Variants in KLHL8 observed in about 807,000 individuals in gnomAD.
KLHL8 encodes kelch like family member 8.
Under a neutral mutation model 63.5 loss-of-function variants are expected in KLHL8, and 38 were observed. The observed-to-expected ratio is 0.60, with a 90% CI of 0.46 to 0.78. The LOEUF (loss-of-function observed/expected upper bound fraction) is 0.78. Among genes scored for constraint, KLHL8 ranks in the 30% least tolerant of loss-of-function variants. The pLI is 0.00. For missense variants in KLHL8, 566 were observed against 752.4 expected (o/e 0.75, Z 2.90); for synonymous variants, 224 against 254.3 (o/e 0.88, Z 1.13).
chr4:87,196,626 T>C (rs1028570755), intron 1 of KLHL8, among the ~76,000 whole-genome samples: 1 of 152,238 alleles, frequency 6.6e-6, no homozygotes, highest in Non-Finnish European at 1.5e-5. Flanking sequence ...ACATAGAACT[T>C]ATTAGTATTT....
At position 87,163,319 on chromosome 4, in the gene KLHL8, C is replaced by A; in HGVS notation, c.*200G>T. The A allele has an allele frequency of 6.9e-6, 3 of 433,926 alleles. No individual in the cohort carries two copies. Among genetic ancestry groups the A allele is most frequent in the Non-Finnish European group, 1.2e-5 (3 of 249,844 alleles). The allele number at this position is 433,926 out of a possible 1,614,324, so 26.9% of individuals were successfully genotyped here. On this transcript the variant is annotated 3_prime_UTR_variant, in exon 10 of 10. Coordinates refer to ENST00000273963, the MANE Select transcript of KLHL8 (RefSeq NM_020803.5). Reference sequence around the variant, plus strand: ...TTCCCTACTCCATTATTTGCAAAAGCAGGAAGTATCAAATTTAACTCTATT... The same window carrying A: ...TTCCCTACTCCATTATTTGCAAAAGAAGGAAGTATCAAATTTAACTCTATT...
chr4:87,165,116 C>A (rs1431654828), intron 8 of KLHL8, among the ~76,000 whole-genome samples: 4 of 139,058 alleles, frequency 2.9e-5, no homozygotes, highest in Non-Finnish European at 6.1e-5. Flanking sequence ...TGCCACTGCA[C>A]TCCAGCCTGG....
At chr4:87,172,004 T>C (rs1730651521) in intron 6 of KLHL8, among the ~76,000 whole-genome samples, 1 of 152,172 alleles carries the variant, frequency 6.6e-6, no homozygotes, top group African/African-American at 2.4e-5. Context: ...TAGGCAGAAT[T>C]TTAAGATACT....
intron 2 of KLHL8, among the ~76,000 whole-genome samples, chr4:87,192,586 G>A (rs1025732731): frequency 6.6e-6 from 1 of 152,142 alleles, no homozygotes; most frequent in Non-Finnish European, 1.5e-5. Flanking sequence ...GCCTATGTAC[G>A]TAGCTTATAC....
At chr4:87,209,131 T>C (rs887306749) in intron 1 of KLHL8, among the ~76,000 whole-genome samples, 1 of 152,200 alleles carries the variant, frequency 6.6e-6, no homozygotes, top group African/African-American at 2.4e-5. Flanking sequence ...CGTATATTAG[T>C]ATCAAGTAAA....
intron 2 of KLHL8, among the ~76,000 whole-genome samples, chr4:87,187,219 T>C (rs889713622): frequency 2.6e-5 from 4 of 152,108 alleles, no homozygotes; most frequent in Non-Finnish European, 5.9e-5. Flanking sequence ...ATTTGCACCA[T>C]ATCTTGAGTG....
At chr4:87,237,396 C>T (rs1733250978) in intron 1 of KLHL8, among the ~76,000 whole-genome samples, 3 of 152,120 alleles carry the variant, frequency 2.0e-5, no homozygotes, top group Admixed American at 2.0e-4. Flanking sequence ...AATTGTTTAA[C>T]TGTTATCAGT....
intron 1 of KLHL8, among the ~76,000 whole-genome samples, chr4:87,237,119 C>T (rs1472055831): frequency 2.0e-5 from 3 of 152,158 alleles, no homozygotes. Context: ...CCCAGATGAA[C>T]ACCGTATTGA....
At position 87,231,380 on chromosome 4, in the gene KLHL8, G is replaced by T. The variant is rs747800084; in HGVS notation, n.57+8878C>A. ...AATCTAAACCCTTACGTCTGGGTTT[G>T]CTTCTGGGGTAACCCAACCTAAGAC... On this transcript the variant is annotated intron_variant and non_coding_transcript_variant, in intron 1 of 1. Coordinates refer to the KLHL8 transcript ENST00000506274. 1.5e-4 allele frequency among the ~76,000 whole-genome samples: 23 copies of T among 152,196 alleles called. No homozygotes were observed. The East Asian group carries it at 4.4e-3, about 29-fold the overall frequency.
At chr4:87,192,472 G>C (rs1731531496) in intron 2 of KLHL8, among the ~76,000 whole-genome samples, 1 of 152,056 alleles carries the variant, frequency 6.6e-6, no homozygotes, top group Non-Finnish European at 1.5e-5. Flanking sequence ...TTTCTGTTTA[G>C]ATATGTTTAG....
chr4:87,184,849 T>C (rs988101697), intron 3 of KLHL8, among the ~76,000 whole-genome samples: 9 of 152,174 alleles, frequency 5.9e-5, no homozygotes, highest in African/African-American at 2.2e-4. Context: ...CTATCCACAT[T>C]AGGAATAACT....
chr4:87,184,108 C>T (rs931936059), intron 3 of KLHL8, among the ~76,000 whole-genome samples: 10 of 152,186 alleles, frequency 6.6e-5, no homozygotes, highest in Admixed American at 6.5e-4. Flanking sequence ...GTCCCTGTAT[C>T]TATTGTTATG....
chr4:87,214,624 A>G (rs1416051626), intron 1 of KLHL8, among the ~76,000 whole-genome samples: 1 of 151,828 alleles, frequency 6.6e-6, no homozygotes, highest in Middle Eastern at 3.2e-3. Context: ...CGAGGATTCA[A>G]TAGAGACTTG....
At chr4:87,204,066 T>C (rs912841037) in intron 1 of KLHL8, among the ~76,000 whole-genome samples, 3 of 151,868 alleles carry the variant, frequency 2.0e-5, no homozygotes, top group African/African-American at 7.3e-5. Flanking sequence ...TAAATGAAAA[T>C]TAAAATAATG....
chr4:87,185,534 T>A lies in KLHL8; in HGVS notation c.482A>T (p.Lys161Met). The part of the protein sequence containing the change: ...LVARACCEYM[K>M]LHFHPSNCLA... ...GCAATTGGAGGGATGAAAATGTAAC[T>A]TCATGTATTCACAACAAGCTCTAGC... The change falls in exon 3 of 10, where the codon AAG (lysine) becomes ATG (methionine). Residue 161 changes from lysine (K) to methionine (M), a missense_variant. Physicochemically the swap from Lys to Met is moderately conservative, Grantham distance 95. Transcript: ENST00000273963. The A allele has an allele frequency of 6.2e-7, 1 of 1,614,200 alleles. No individual in the cohort carries two copies. The highest frequency in any genetic ancestry group is 8.5e-7 in the Non-Finnish European group (1 of 1,180,032).
At chr4:87,179,731 T>C (rs1730978895) in intron 4 of KLHL8, among the ~76,000 whole-genome samples, 1 of 152,088 alleles carries the variant, frequency 6.6e-6, no homozygotes. Flanking sequence ...GAGCTATGAT[T>C]GCACCACTGC....
At chr4:87,173,900 CT>C (rs5860063) in intron 6 of KLHL8, among the ~76,000 whole-genome samples, 147,365 of 150,332 alleles carry the variant, frequency 0.98, 72,279 homozygotes, top group Non-Finnish European at 1. Context: ...TTAAGACTAG[CT>C]TTTTTTTTTT....
chr4:87,172,166 A>C (rs936595032), intron 6 of KLHL8, among the ~76,000 whole-genome samples: 12 of 152,198 alleles, frequency 7.9e-5, no homozygotes, highest in Admixed American at 7.9e-4. Context: ...GAAATTCAAA[A>C]AACCAAGTGA....
chr4:87,185,156 C>A, intron 3 of KLHL8, 95 bp downstream of exon 3: 3 of 1,185,328 alleles, frequency 2.5e-6, no homozygotes, highest in Non-Finnish European at 3.5e-6. Flanking sequence ...TTTCTATATT[C>A]CTTGAAATAA....
Sources: gnomAD v4.1 joint callset for allele counts (sites outside exome capture counted in the v4.1 genomes callset) on GRCh38, gnomAD v4.1.1 for gene constraint, MANE v1.5 for transcripts, NCBI Gene and HGNC (gene_info 2026-07-23, HGNC 2026-07-21) for gene names.